Variants in RANBP2 observed in about 807,000 individuals in gnomAD.
RANBP2 encodes the protein E3 SUMO-protein ligase RanBP2.
Under a neutral mutation model 303.6 loss-of-function variants are expected in RANBP2, and 57 were observed. The observed-to-expected ratio is 0.19, with a 90% confidence interval of 0.15 to 0.23. RANBP2 has a LOEUF of 0.23. Among genes scored for constraint, RANBP2 ranks in the 10% least tolerant of loss-of-function variants. RANBP2 has a pLI of 1.00. For synonymous variants in RANBP2, 1,167 were observed against 1,301.5 expected (o/e 0.90, Z 2.23); for missense variants, 3,138 against 3,780.8 (o/e 0.83, Z 4.46).
the RANBP2 span, among the ~76,000 whole-genome samples, chr2:109,021,275 G>T: frequency 1.3e-5 from 2 of 152,158 alleles, no homozygotes; most frequent in Non-Finnish European, 2.9e-5. Flanking sequence ...TGTAATCCCA[G>T]CACTTTGGGA....
chr2:108,808,366 A>G, the RANBP2 span, among the ~76,000 whole-genome samples: 1 of 152,208 alleles, frequency 6.6e-6, no homozygotes, highest in South Asian at 2.1e-4. Context: ...TCTCCTGTGA[A>G]TATATACCCA....
chr2:108,803,032 G>T, the RANBP2 span, among the ~76,000 whole-genome samples: 1 of 152,206 alleles, frequency 6.6e-6, no homozygotes, highest in Non-Finnish European at 1.5e-5. Flanking sequence ...TCTTGTGCCT[G>T]TGCCTCTTAA....
the RANBP2 span, among the ~76,000 whole-genome samples, chr2:108,964,327 G>T: frequency 6.6e-6 from 1 of 152,124 alleles, no homozygotes; most frequent in Non-Finnish European, 1.5e-5. Flanking sequence ...AGGTCATCTG[G>T]ACTCCAGTTC....
chr2:109,098,470 C>T, the RANBP2 span, among the ~76,000 whole-genome samples: 7 of 152,174 alleles, frequency 4.6e-5, no homozygotes, highest in Admixed American at 1.3e-4. Flanking sequence ...GAAGCAGAAC[C>T]TGATGGTCAC....
the RANBP2 span, among the ~76,000 whole-genome samples, chr2:109,318,888 C>T: frequency 6.6e-6 from 1 of 152,250 alleles, no homozygotes; most frequent in Non-Finnish European, 1.5e-5. Flanking sequence ...GCTGGAATTC[C>T]TTGCCTCTGG....
the RANBP2 span, among the ~76,000 whole-genome samples, chr2:109,647,383 C>A: frequency 6.6e-6 from 1 of 151,788 alleles, no homozygotes; most frequent in Non-Finnish European, 1.5e-5. Flanking sequence ...AAGATGGTCT[C>A]GATATCTTAA....
the RANBP2 span, among the ~76,000 whole-genome samples, chr2:109,670,076 C>T: frequency 3.7e-4 from 57 of 152,320 alleles, no homozygotes; most frequent in Non-Finnish European, 6.3e-4. Context: ...CTCCAGGGTG[C>T]GGCAGACGGT....
the RANBP2 span, among the ~76,000 whole-genome samples, chr2:109,116,525 C>T: frequency 8.1e-4 from 124 of 152,276 alleles, 1 homozygote; most frequent in African/African-American, 2.6e-3. Context: ...TCTAGTTATA[C>T]ATTTGTCTAA....
At chr2:109,102,912 G>C in the RANBP2 span, among the ~76,000 whole-genome samples, 1 of 152,196 alleles carries the variant, frequency 6.6e-6, no homozygotes, top group Non-Finnish European at 1.5e-5. Context: ...TTTGGGAAGT[G>C]GGGTGCTGCA....
chr2:109,169,286 A>G, the RANBP2 span, among the ~76,000 whole-genome samples: 2 of 152,038 alleles, frequency 1.3e-5, no homozygotes, highest in Non-Finnish European at 2.9e-5. Context: ...AGAGGCGGGT[A>G]TATTATTTTT....
chr2:108,853,137 A>T, the RANBP2 span, among the ~76,000 whole-genome samples: 1 of 152,240 alleles, frequency 6.6e-6, no homozygotes, highest in Admixed American at 6.5e-5. Flanking sequence ...TAAATAGCTG[A>T]TAGACCCACA....
chr2:109,389,799 A>G, the RANBP2 span, among the ~76,000 whole-genome samples: 24 of 152,194 alleles, frequency 1.6e-4, no homozygotes, highest in Non-Finnish European at 8.8e-5. Flanking sequence ...ACATCAGAAT[A>G]TAAATGCAGA....
chr2:109,014,239 G>T, the RANBP2 span, among the ~76,000 whole-genome samples: 3 of 152,214 alleles, frequency 2.0e-5, 1 homozygote, highest in Admixed American at 2.0e-4. Context: ...TAGGAAAATG[G>T]AGTTGAGAGA....
chr2:109,172,824 C>T, the RANBP2 span, among the ~76,000 whole-genome samples: 1 of 152,216 alleles, frequency 6.6e-6, no homozygotes, highest in Non-Finnish European at 1.5e-5. Context: ...AGCACGAAGC[C>T]TCGACTGGTG....
chr2:109,320,306 G>A, the RANBP2 span, among the ~76,000 whole-genome samples: 2 of 152,198 alleles, frequency 1.3e-5, no homozygotes, highest in African/African-American at 4.8e-5. Flanking sequence ...ACAGCAGCCA[G>A]TGGCCACCTG....
chr2:109,052,326 A>G, the RANBP2 span, among the ~76,000 whole-genome samples: 1 of 152,336 alleles, frequency 6.6e-6, no homozygotes, highest in Middle Eastern at 3.4e-3. Context: ...ATAAACGCAG[A>G]TGGTACAATT....
chr2:109,498,486 G>GC, the RANBP2 span, among the ~76,000 whole-genome samples: 6 of 152,184 alleles, frequency 3.9e-5, no homozygotes, highest in African/African-American at 1.4e-4. Flanking sequence ...AAGCCAAACT[G>GC]CCCCAAAGCC....
chr2:109,015,118 C>CAAAAAAAAAAAAAAA, the RANBP2 span, among the ~76,000 whole-genome samples: 4 of 68,808 alleles, frequency 5.8e-5, no homozygotes, highest in Admixed American at 2.3e-4. Context: ...GACTCCATCT[C>CAAAAAAAAAAAAAAA]AAAAAAAAAA....
At chr2:109,369,181 TA>T in the RANBP2 span, among the ~76,000 whole-genome samples, 724 of 137,976 alleles carry the variant, frequency 5.2e-3, 2 homozygotes, top group Middle Eastern at 0.011. Flanking sequence ...CGTCTCTTCT[TA>T]AAAAAAAAAA....
Sources: allele counts gnomAD v4.1 joint callset (sites outside exome capture counted in the v4.1 genomes callset), GRCh38; gene constraint gnomAD v4.1.1; transcripts MANE v1.5; gene names NCBI Gene and HGNC (gene_info 2026-07-23, HGNC 2026-07-21).